PRLR: variants seen among roughly 807,000 people sequenced by gnomAD.
PRLR encodes hPRL receptor.
In PRLR, 13 loss-of-function variants were observed where a neutral mutation model predicts 40.2. The ratio of observed to expected loss-of-function variants is 0.32; its 90% CI spans 0.21 to 0.51. The LOEUF (loss-of-function observed/expected upper bound fraction) is 0.51. Ranked by LOEUF, PRLR falls within the 20% of genes least tolerant of loss-of-function variation. The pLI is 0.97. For synonymous variants in PRLR, 269 were observed against 278.7 expected (o/e 0.97, Z 0.35); for missense variants, 656 against 747.3 (o/e 0.88, Z 1.42).
intron 1 of PRLR, among the ~76,000 whole-genome samples, chr5:35,133,513 T>C (rs1053750084): frequency 1.3e-5 from 2 of 152,206 alleles, no homozygotes; most frequent in African/African-American, 4.8e-5. Context: ...CAGCCAAATT[T>C]GTTATTTAAT....
rs116803811 is a variant in PRLR at position 35,091,476 on chromosome 5, G to T, written c.-43-1813C>A. Among the ~76,000 whole-genome samples, 524 of 152,320 alleles carry T rather than the reference G, an allele frequency of 3.4e-3. 3 individuals are homozygous for T. The highest frequency in any genetic ancestry group is 0.011 in the African/African-American group (448 of 41,552). On this transcript the variant is annotated intron_variant, in intron 2 of 9. Coordinates refer to ENST00000618457, the MANE Select transcript of PRLR (RefSeq NM_000949.7). Reference sequence around the variant, plus strand: ...TACAGGTTTTAACAGATGAGCAAATGGAAGTACAGAGATTTAGTAGATTGT... The same window carrying T: ...TACAGGTTTTAACAGATGAGCAAATTGAAGTACAGAGATTTAGTAGATTGT...
chr5:35,197,744 G>C (rs577077242), intron 1 of PRLR, among the ~76,000 whole-genome samples: 2 of 152,218 alleles, frequency 1.3e-5, no homozygotes, highest in Non-Finnish European at 2.9e-5. Flanking sequence ...CCCAACCAGC[G>C]ACTGCTGCTC....
rs551616677 is a variant in PRLR at position 35,215,802 on chromosome 5, G to A, written c.-106+14466C>T. On this transcript the variant is annotated intron_variant, in intron 1 of 9. Coordinates refer to ENST00000618457, the MANE Select transcript of PRLR (RefSeq NM_000949.7). ...TGTAATTGCAGCACTTTGGGAGGCT[G>A]AGGCAGGTGGATAGGCAGGAGTTCG... is the stretch of plus-strand genomic sequence containing the variant. Among the ~76,000 whole-genome samples the A allele has an allele frequency of 1.3e-4, 20 of 150,756 alleles. No individual in the cohort carries two copies. In the East Asian group the frequency reaches 3.7e-3, roughly 28 times the overall value.
At chr5:35,108,938 G>A (rs536566884) in intron 2 of PRLR, among the ~76,000 whole-genome samples, 2 of 152,288 alleles carry the variant, frequency 1.3e-5, no homozygotes, top group South Asian at 2.1e-4. Context: ...AACAAAGCTG[G>A]AGGCATCATG....
At chr5:35,191,031 A>C in intron 1 of PRLR, among the ~76,000 whole-genome samples, 1 of 149,578 alleles carries the variant, frequency 6.7e-6, no homozygotes, top group Admixed American at 6.7e-5. Context: ...TGATCCAATT[A>C]ACAGATGTGT....
At chr5:35,195,460 A>T (rs1579789923) in intron 1 of PRLR, 1 of 151,844 alleles carries the variant, frequency 6.6e-6, no homozygotes, top group Non-Finnish European at 1.5e-5. Flanking sequence ...AACACACCCC[A>T]CCCCTGCCAT....
At chr5:35,200,606 G>A (rs1775856000) in intron 1 of PRLR, among the ~76,000 whole-genome samples, 1 of 152,182 alleles carries the variant, frequency 6.6e-6, no homozygotes, top group Non-Finnish European at 1.5e-5. Flanking sequence ...AGCTGAGGAA[G>A]GAGTATGGGA....
chr5:35,219,114 C>T (rs1462665109), intron 1 of PRLR, among the ~76,000 whole-genome samples: 1 of 152,196 alleles, frequency 6.6e-6, no homozygotes, highest in African/African-American at 2.4e-5. Context: ...ATCATTCAGC[C>T]TCTAGATTAT....
intron 1 of PRLR, among the ~76,000 whole-genome samples, chr5:35,227,417 T>C (rs1776580147): frequency 6.6e-6 from 1 of 152,160 alleles, no homozygotes; most frequent in Non-Finnish European, 1.5e-5. Context: ...TTGGGGGGTG[T>C]ATGTACATTT....
chr5:35,157,122 G>C (rs979324832), intron 1 of PRLR, among the ~76,000 whole-genome samples: 2 of 152,074 alleles, frequency 1.3e-5, no homozygotes, highest in African/African-American at 4.8e-5. Flanking sequence ...GGAAGCTGTT[G>C]TCCTGCCTGA....
chr5:35,189,838 C>T (rs2111556051), intron 1 of PRLR, among the ~76,000 whole-genome samples: 1 of 152,174 alleles, frequency 6.6e-6, no homozygotes, highest in African/African-American at 2.4e-5. Context: ...TGACCCCAAG[C>T]CCTTCAAATA....
intron 7 of PRLR, 77 bp downstream of exon 7, chr5:35,070,047 A>C (rs1769646161): frequency 5.4e-6 from 8 of 1,487,624 alleles, no homozygotes; most frequent in Non-Finnish European, 7.3e-6. Context: ...TGGTTTCTCT[A>C]TTAGTAGTTA....
At chr5:35,072,290 G>A (rs2112402539) in intron 6 of PRLR, among the ~76,000 whole-genome samples, 1 of 152,244 alleles carries the variant, frequency 6.6e-6, no homozygotes, top group African/African-American at 2.4e-5. Flanking sequence ...TGCCATTTAA[G>A]TACTCTTACA....
Position 35,068,288 on chromosome 5 carries a change from A to C in PRLR, c.786-3T>G. On this transcript the variant is annotated splice_polypyrimidine_tract_variant and splice_region_variant and intron_variant, in intron 8 of 9. Transcript: ENST00000618457. ...GCGGAAAGATGCAGGTCACCATGCT[A>C]TAAAATAATTCATGAGATTGGCTAA... 1 of 1,609,180 alleles carries C rather than the reference A, an allele frequency of 6.2e-7. No homozygotes were observed. Among genetic ancestry groups the C allele is most frequent in the Non-Finnish European group, 8.5e-7 (1 of 1,175,516 alleles).
chr5:35,208,175 G>GCA (rs1381286643), intron 1 of PRLR, among the ~76,000 whole-genome samples: 2,024 of 145,400 alleles, frequency 0.014, 27 homozygotes, highest in Admixed American at 0.02. Flanking sequence ...ACCCACGCGC[G>GCA]CGCACACACA....
At chr5:35,157,160 G>A (rs944756728) in intron 1 of PRLR, among the ~76,000 whole-genome samples, 18 of 152,012 alleles carry the variant, frequency 1.2e-4, no homozygotes, top group Non-Finnish European at 1.9e-4. Flanking sequence ...ACATCAACAC[G>A]AGGCTATTCT....
intron 1 of PRLR, among the ~76,000 whole-genome samples, chr5:35,208,177 GCACACACA>G (rs1281536944): frequency 1.1e-5 from 1 of 87,150 alleles, no homozygotes; most frequent in Admixed American, 1.2e-4. Context: ...CCACGCGCGC[GCACACACA>G]CACACACACA....
intron 2 of PRLR, among the ~76,000 whole-genome samples, chr5:35,109,805 G>A (rs987623969): frequency 1.1e-4 from 17 of 152,298 alleles, no homozygotes; most frequent in Admixed American, 2.6e-4. Context: ...GGAAGACAGC[G>A]TGGCGATTCC....
chr5:35,182,810 A>G (rs1198007482), intron 1 of PRLR, among the ~76,000 whole-genome samples: 2 of 152,164 alleles, frequency 1.3e-5, no homozygotes, highest in Non-Finnish European at 2.9e-5. Context: ...TCTTAACCTC[A>G]CTGGGCACTG....
Sources: gnomAD v4.1 joint callset for allele counts (sites outside exome capture counted in the v4.1 genomes callset) on GRCh38, gnomAD v4.1.1 for gene constraint, MANE v1.5 for transcripts, NCBI Gene and HGNC (gene_info 2026-07-23, HGNC 2026-07-21) for gene names.